Variants in PARD6G observed in about 807,000 individuals in gnomAD.
The protein encoded by PARD6G is par-6 family cell polarity regulator gamma.
In PARD6G, 7 loss-of-function variants were observed where a neutral mutation model predicts 10.7. The observed-to-expected ratio is 0.66, with a 90% CI of 0.37 to 1.23. PARD6G has a LOEUF of 1.23. Ranked by LOEUF, PARD6G falls within the 50% of genes most tolerant of loss-of-function variation. The pLI, the probability that PARD6G is intolerant of heterozygous loss-of-function variation, is 0.02. For synonymous variants in PARD6G, 287 were observed against 269.4 expected, an observed-to-expected ratio of 1.07 and a Z score of -0.64; for missense variants, 548 against 571.8, an observed-to-expected ratio of 0.96 and a Z score of 0.42.
intron 1 of PARD6G, among the ~76,000 whole-genome samples, chr18:80,227,528 G>T (rs547037288): frequency 6.6e-6 from 1 of 152,354 alleles, no homozygotes; most frequent in African/African-American, 2.4e-5. Flanking sequence ...CGGGTGACAA[G>T]AGGCAAGGCT....
rs767458102 is a variant in PARD6G, at chr18:80,160,057, G to A, written c.845C>T (p.Pro282Leu). 2 of 1,551,048 alleles carry A rather than the reference G, an allele frequency of 1.3e-6. No individual in the cohort carries two copies. Among genetic ancestry groups the A allele is most frequent in the Non-Finnish European group, 1.7e-6 (2 of 1,154,424 alleles). ...GTAGFVGPPA[P>L]RVLQNFHPDE... ...GGGGTGGAAGTTCTGCAGGACGCGC[G>A]GGGCGGGGGGACCCACGAAGCCCGC... is the stretch of plus-strand genomic sequence containing the variant. Residue 282 changes from proline (P) to leucine (L), a missense_variant, in exon 3 of 3, where the codon CCG (proline) becomes CTG (leucine). This residue lies in a region of PARD6G where 313 missense variants were observed against 279.9 expected (regional missense o/e 1.12). Transcript: ENST00000353265.
At chr18:80,226,317 T>C (rs1271435270) in intron 1 of PARD6G, among the ~76,000 whole-genome samples, 2 of 151,908 alleles carry the variant, frequency 1.3e-5, no homozygotes, top group Non-Finnish European at 1.5e-5. Context: ...ATTACAGGCA[T>C]GTACCACCAC....
rs1406485282 is a variant in PARD6G, at chr18:80,180,158, T to C, written c.296-19552A>G. On this transcript the variant is annotated intron_variant, in intron 2 of 2. Transcript: ENST00000353265. This position sits in a 1 kb window ranked among gnomAD's most constrained non-coding sequence, Gnocchi z 5.6. ...CCAGGGCCCGGGACGGGAATGGCCA[T>C]TGGTGTGTCAGCTGCTCACCTGGGC... 6.6e-6 allele frequency among the ~76,000 whole-genome samples: 1 copy of C among 152,144 alleles called. No homozygotes were observed. The highest frequency in any genetic ancestry group is 6.5e-5 in the Admixed American group (1 of 15,282).
chr18:80,167,133 C>G (rs1258067900), intron 2 of PARD6G, among the ~76,000 whole-genome samples: 1 of 152,206 alleles, frequency 6.6e-6, no homozygotes, highest in Non-Finnish European at 1.5e-5. Flanking sequence ...GGTCACATCC[C>G]TGCTGTGGGT....
intron 1 of PARD6G, among the ~76,000 whole-genome samples, chr18:80,242,157 G>C (rs953204390): frequency 6.6e-6 from 1 of 151,784 alleles, no homozygotes; most frequent in Non-Finnish European, 1.5e-5. Flanking sequence ...GTGCCCCCCA[G>C]GCTGACTCTG....
At chr18:80,196,798 C>T (rs559232003) in intron 2 of PARD6G, among the ~76,000 whole-genome samples, 39 of 151,842 alleles carry the variant, frequency 2.6e-4, no homozygotes, top group African/African-American at 8.9e-4. Flanking sequence ...TTTCTCCTCC[C>T]TCAACACACT....
rs145889767 is a variant in PARD6G, at chr18:80,165,769, G to A, written c.296-5163C>T. ...ATGGTGTTGAACTGTTAACCTCCAGGAAGTTGCCAGAAAACATAATTTATC... is the reference window on the plus strand; with the variant it reads ...ATGGTGTTGAACTGTTAACCTCCAGAAAGTTGCCAGAAAACATAATTTATC... On this transcript the variant is annotated intron_variant, in intron 2 of 2. Transcript: ENST00000353265. Among the ~76,000 whole-genome samples the A allele has an allele frequency of 2.3e-3, 356 of 152,300 alleles. 1 individual carries two copies. The highest frequency in any genetic ancestry group is 8.4e-3 in the African/African-American group (351 of 41,564).
chr18:80,177,420 C>A (rs539032893), intron 2 of PARD6G, among the ~76,000 whole-genome samples: 1 of 149,992 alleles, frequency 6.7e-6, no homozygotes, highest in African/African-American at 2.5e-5. Context: ...CACACATACA[C>A]GCAAACACGC....
chr18:80,209,940 A>T (rs539707315), intron 1 of PARD6G, among the ~76,000 whole-genome samples: 2 of 152,354 alleles, frequency 1.3e-5, no homozygotes, highest in East Asian at 3.9e-4. Flanking sequence ...CCTATATCAT[A>T]TCAATCTCTA....
At chr18:80,213,258 G>A (rs1385803710) in intron 1 of PARD6G, among the ~76,000 whole-genome samples, 1 of 152,154 alleles carries the variant, frequency 6.6e-6, no homozygotes, top group Non-Finnish European at 1.5e-5. Flanking sequence ...GTTCAAAGAA[G>A]GCTTTGAAAA....
chr18:80,229,630 A>G (rs1967336038), intron 1 of PARD6G, among the ~76,000 whole-genome samples: 1 of 152,252 alleles, frequency 6.6e-6, no homozygotes, highest in East Asian at 1.9e-4. Flanking sequence ...AGGTTGCACA[A>G]CTGACCTGTC....
At position 80,157,316 on chromosome 18, in the gene PARD6G, G is replaced by GTTTT. The variant is rs933733290; in HGVS notation, c.*2451_*2454dup. ...TTTAATACATAATATGCATAGTTTT[G>GTTTT]TTTTTTTAAAAGGAGAAAGTGGCAG... On this transcript the variant is annotated 3_prime_UTR_variant, in exon 3 of 3. Coordinates refer to ENST00000353265, the MANE Select transcript of PARD6G (RefSeq NM_032510.4). The GTTTT allele has an allele frequency of 3.3e-5, 5 of 151,930 alleles. No homozygotes were observed. The highest frequency in any genetic ancestry group is 1.2e-4 in the African/African-American group (5 of 41,352). The allele number at this position is 151,930 out of a possible 1,614,324, so 9.4% of individuals were successfully genotyped here. A position where few individuals can be genotyped will look rare whatever the true frequency, so the allele number is the denominator to read the frequency against.
At chr18:80,195,560 TATATATATATATAC>T (rs1966946090) in intron 2 of PARD6G, among the ~76,000 whole-genome samples, 2 of 104,716 alleles carry the variant, frequency 1.9e-5, no homozygotes, top group East Asian at 4.9e-4. Context: ...TATATATATA[TATATATATATATAC>T]ACACATTTTT....
At chr18:80,165,700 G>A (rs569565452) in intron 2 of PARD6G, among the ~76,000 whole-genome samples, 1 of 152,064 alleles carries the variant, frequency 6.6e-6, no homozygotes, top group Non-Finnish European at 1.5e-5. Flanking sequence ...CAATGGATAT[G>A]TCTTTGCCTC....
chr18:80,175,683 C>A lies in PARD6G; in HGVS notation c.296-15077G>T, dbSNP rs560157871. 6.6e-6 allele frequency among the ~76,000 whole-genome samples: 1 copy of A among 152,200 alleles called. No homozygotes were observed. Among genetic ancestry groups the A allele is most frequent in the Non-Finnish European group, 1.5e-5 (1 of 68,034 alleles). On this transcript the variant is annotated intron_variant, in intron 2 of 2. Transcript: ENST00000353265. The surrounding 1 kb of genome is among the most constrained non-coding windows in gnomAD (Gnocchi z 6.7). Reference sequence around the variant, plus strand: ...ACGTTCTCTGTCAGGGCACAACCCTCGTTCCACCACCGCAGGGACATTAGG... The same window carrying A: ...ACGTTCTCTGTCAGGGCACAACCCTAGTTCCACCACCGCAGGGACATTAGG...
At chr18:80,224,503 T>G (rs1001479602) in intron 1 of PARD6G, among the ~76,000 whole-genome samples, 1 of 152,194 alleles carries the variant, frequency 6.6e-6, no homozygotes, top group Non-Finnish European at 1.5e-5. Flanking sequence ...GCTTCAAAGC[T>G]GGATATCTGT....
At chr18:80,163,074 G>A (rs752480522) in intron 2 of PARD6G, among the ~76,000 whole-genome samples, 24 of 152,108 alleles carry the variant, frequency 1.6e-4, no homozygotes, top group Non-Finnish European at 2.8e-4. Context: ...TCCATGATAC[G>A]GGCTCTTCCC....
At position 80,160,269 on chromosome 18, in the gene PARD6G, A is replaced by C; in HGVS notation, c.633T>G (p.Ala211=). The part of the protein sequence containing the change: ...GGLAESTGLL[A]VNDEVLEVNG... The stretch of plus-strand genomic sequence containing the variant: ...TCACCTCCAGGACCTCGTCATTCAC[A>C]GCCAGCAGCCCGGTGCTCTCCGCCA... The change falls in exon 3 of 3, where the codon GCT becomes GCG. Residue 211 remains alanine (A), a synonymous_variant. Transcript: ENST00000353265. The C allele has an allele frequency of 6.2e-7, 1 of 1,612,464 alleles. No homozygotes were observed. Among genetic ancestry groups the C allele is most frequent in the African/African-American group, 1.3e-5 (1 of 74,916 alleles).
intron 2 of PARD6G, among the ~76,000 whole-genome samples, chr18:80,178,830 AC>A (rs57171882): frequency 0.42 from 64,356 of 151,954 alleles, 15,043 homozygotes; most frequent in East Asian, 0.55. Context: ...CTGCCCCATC[AC>A]TTCCTCCCAT....
Sources: allele counts gnomAD v4.1 joint callset (sites outside exome capture counted in the v4.1 genomes callset), GRCh38; gene constraint gnomAD v4.1.1; regional missense constraint gnomAD v4.1.1; non-coding constraint Gnocchi (gnomAD v3.1); transcripts MANE v1.5; gene names NCBI Gene and HGNC (gene_info 2026-07-23, HGNC 2026-07-21).